Variants in ARL17A observed in about 807,000 individuals in gnomAD.
ARL17A encodes the protein ADP-ribosylation factor-like 17-like.
Position 46,553,404 on chromosome 17 carries a change from G to A in ARL17A, c.*3952C>T, listed in dbSNP as rs2057013751. 1 of 1,609,236 alleles carries A rather than the reference G, an allele frequency of 6.2e-7. No homozygotes were observed. The highest frequency in any genetic ancestry group is 1.1e-5 in the South Asian group (1 of 90,978). ...TTGCGTTTTCTTCTAAAACAGATAT[G>A]TTGTCACCGAAGGTCATTACAAGAA... On this transcript the variant is annotated 3_prime_UTR_variant, in exon 4 of 4. Coordinates refer to ENST00000336125, the MANE Select transcript of ARL17A (RefSeq NM_001113738.2).
intron 4 of ARL17A, among the ~76,000 whole-genome samples, chr17:46,531,299 TTG>T (rs2053612704): frequency 1.3e-5 from 1 of 74,174 alleles, no homozygotes; most frequent in Admixed American, 1.7e-4. Context: ...AACACTGTCG[TTG>T]TCTGTCTCTT....
chr17:46,530,335 T>G (rs1415212880), intron 4 of ARL17A, among the ~76,000 whole-genome samples: 1 of 137,836 alleles, frequency 7.3e-6, no homozygotes, highest in Admixed American at 7.6e-5. Flanking sequence ...AGCCCTAGTT[T>G]GAGAATCCAT....
chr17:46,542,532 G>GATAT (rs1024761002), intron 3 of ARL17A, among the ~76,000 whole-genome samples: 6 of 146,170 alleles, frequency 4.1e-5, no homozygotes, highest in Non-Finnish European at 5.9e-5. Context: ...TATAGATATA[G>GATAT]ATATATATAT....
intron 3 of ARL17A, among the ~76,000 whole-genome samples, chr17:46,545,259 CTG>C (rs1387860442): frequency 7.2e-6 from 1 of 139,338 alleles, no homozygotes; most frequent in Non-Finnish European, 1.5e-5. Context: ...TGGGGAAACT[CTG>C]TCACTACTGA....
rs1420021748 is a variant in ARL17A at position 46,553,566 on chromosome 17, G to C, written c.*3790C>G. ...GCTCACGGCAACCTCCACTTCCCAG[G>C]TTCAAGCGATTCTCCTGCCTCAGCC... On this transcript the variant is annotated 3_prime_UTR_variant, in exon 4 of 4. Transcript: ENST00000336125. 7.2e-7 allele frequency: 1 copy of C among 1,389,374 alleles called. No homozygotes were observed. The highest frequency in any genetic ancestry group is 2.6e-5 in the East Asian group (1 of 39,052). 86.1% of individuals were successfully genotyped at this position (1,389,374 alleles called of 1,614,324 possible).
downstream of ARL17A, chr17:46,549,057 C>T (rs928538810): frequency 6.2e-7 from 1 of 1,612,026 alleles, no homozygotes; most frequent in Non-Finnish European, 8.5e-7. Flanking sequence ...AAAAATACCG[C>T]TTTCACAAAA....
chr17:46,502,645 C>CT, the ARL17A span, among the ~76,000 whole-genome samples: 2 of 151,366 alleles, frequency 1.3e-5, no homozygotes, highest in South Asian at 2.1e-4. Flanking sequence ...TAGTTGCTGT[C>CT]TTTTTTGCTT....
At chr17:46,550,813 CTCA>C (rs941706256), downstream of ARL17A, among the ~76,000 whole-genome samples, 1 of 120,158 alleles carries the variant, frequency 8.3e-6, no homozygotes, top group African/African-American at 3.3e-5. Context: ...ATTGGATGTA[CTCA>C]TCAAGTCACC....
At chr17:46,516,108 G>C (rs1238905262), downstream of ARL17A, among the ~76,000 whole-genome samples, 1 of 145,820 alleles carries the variant, frequency 6.9e-6, no homozygotes, top group Non-Finnish European at 1.5e-5. Flanking sequence ...AGACCATCCT[G>C]GCTAACATGG....
intron 4 of ARL17A, among the ~76,000 whole-genome samples, chr17:46,534,404 C>T (rs375026318): frequency 4.8e-5 from 7 of 147,344 alleles, no homozygotes; most frequent in East Asian, 3.9e-4. Context: ...TGACTCTTAA[C>T]GAGCATGCTG....
At chr17:46,543,235 G>T (rs1219078026) in intron 3 of ARL17A, among the ~76,000 whole-genome samples, 2 of 150,538 alleles carry the variant, frequency 1.3e-5, no homozygotes, top group Admixed American at 6.6e-5. Flanking sequence ...ACACATTTAT[G>T]TACAAAGTAA....
intron 4 of ARL17A, among the ~76,000 whole-genome samples, chr17:46,529,972 G>T (rs1048905626): frequency 2.2e-5 from 3 of 138,880 alleles, no homozygotes; most frequent in East Asian, 4.5e-4. Flanking sequence ...AAAGAGGGAA[G>T]GTTGGAGAGT....
chr17:46,568,512 A>AG lies in ARL17A; in HGVS notation c.259+2246dup, dbSNP rs1424342069. On this transcript the variant is annotated intron_variant, in intron 3 of 3. Transcript: ENST00000336125. Reference sequence around the variant, plus strand: ...TAAGCAGTTAAAAAAAAAAAAAAAAAGAGGGGGGGAGGCCAGGCGAGGTGG... The same window carrying AG: ...TAAGCAGTTAAAAAAAAAAAAAAAAAGGAGGGGGGGAGGCCAGGCGAGGTGG... 5.6e-4 allele frequency among the ~76,000 whole-genome samples: 62 copies of AG among 110,760 alleles called. 1 individual carries two copies. Among genetic ancestry groups the AG allele is most frequent in the African/African-American group, 1.4e-3 (39 of 27,754 alleles). 72.7% of individuals were successfully genotyped at this position (110,760 alleles called of 152,430 possible).
At chr17:46,569,153 G>A (rs1255181010) in intron 3 of ARL17A, among the ~76,000 whole-genome samples, 1 of 151,412 alleles carries the variant, frequency 6.6e-6, no homozygotes, top group Non-Finnish European at 1.5e-5. Context: ...TCACCATGTT[G>A]GCCAGGCTGG....
downstream of ARL17A, chr17:46,528,645 A>G: frequency 1.9e-6 from 1 of 537,336 alleles, no homozygotes; most frequent in East Asian, 3.2e-5. Context: ...ACTTGACTCC[A>G]GGAGGTGGAG....
chr17:46,533,452 C>T (rs1346847204), intron 4 of ARL17A, among the ~76,000 whole-genome samples: 4 of 139,112 alleles, frequency 2.9e-5, no homozygotes, highest in African/African-American at 8.9e-5. Context: ...ACCTTATGTT[C>T]ATCAACTAGA....
At chr17:46,520,834 A>G (rs1419774937) in intron 3 of ARL17A, among the ~76,000 whole-genome samples, 4 of 59,330 alleles carry the variant, frequency 6.7e-5, no homozygotes, top group African/African-American at 2.2e-4. Context: ...CTAAAGGAGA[A>G]GAAAATGGAG....
chr17:46,534,397 C>T (rs1245503121), intron 4 of ARL17A, among the ~76,000 whole-genome samples: 1 of 147,054 alleles, frequency 6.8e-6, no homozygotes, highest in Non-Finnish European at 1.5e-5. Context: ...GTGGTGATGA[C>T]TCTTAACGAG....
chr17:46,548,680 G>A (rs1381851433), downstream of ARL17A: 2 of 1,608,340 alleles, frequency 1.2e-6, no homozygotes, highest in Admixed American at 1.7e-5. Context: ...GCACTTCAAA[G>A]AGGTAGGAAG....
Sources: allele counts gnomAD v4.1 joint callset (sites outside exome capture counted in the v4.1 genomes callset), GRCh38; gene constraint gnomAD v4.1.1; transcripts MANE v1.5; gene names NCBI Gene and HGNC (gene_info 2026-07-23, HGNC 2026-07-21).